Variants in DENND5B observed in about 807,000 individuals in gnomAD.
DENND5B encodes the protein DENN domain-containing protein 5B.
Under a neutral mutation model 140.6 loss-of-function variants are expected in DENND5B, and 34 were observed. The ratio of observed to expected loss-of-function variants is 0.24; its 90% confidence interval spans 0.18 to 0.32. The LOEUF is 0.32. DENND5B is among the 10% of genes least tolerant of loss of function. The pLI is 1.00. For synonymous variants in DENND5B, 551 were observed against 562.1 expected, an observed-to-expected ratio of 0.98 and a Z score of 0.28; for missense variants, 1,142 against 1,560.2, an observed-to-expected ratio of 0.73 and a Z score of 4.52.
chr12:31,587,363 C>T (rs1467878574), intron 1 of DENND5B, among the ~76,000 whole-genome samples: 1 of 151,946 alleles, frequency 6.6e-6, no homozygotes, highest in Admixed American at 6.6e-5. Context: ...ATCTTGGAGT[C>T]ATCTTTGATC....
intron 1 of DENND5B, among the ~76,000 whole-genome samples, chr12:31,511,336 T>C (rs1411121997): frequency 6.6e-6 from 1 of 152,196 alleles, no homozygotes; most frequent in Non-Finnish European, 1.5e-5. Context: ...CTACAAAATC[T>C]ACAAATTAGA....
chr12:31,517,666 C>T (rs1947715715), intron 1 of DENND5B, among the ~76,000 whole-genome samples: 1 of 152,184 alleles, frequency 6.6e-6, no homozygotes. Context: ...ATTAAGTCTC[C>T]TCATTTCCCA....
chr12:31,495,389 C>CTTTTTTTTTTTTTT (rs149645342), intron 2 of DENND5B, among the ~76,000 whole-genome samples: 2 of 136,206 alleles, frequency 1.5e-5, no homozygotes, highest in African/African-American at 2.8e-5. Context: ...CTTTTTTTTT[C>CTTTTTTTTTTTTTT]TTTTTTTGAG....
intron 1 of DENND5B, among the ~76,000 whole-genome samples, chr12:31,529,491 C>T (rs1948206407): frequency 6.6e-6 from 1 of 152,050 alleles, no homozygotes; most frequent in Admixed American, 6.5e-5. Flanking sequence ...AAACATTCCA[C>T]AAAAGCATTC....
chr12:31,396,056 G>GTTTTTTTTTTTT (rs34089984), intron 17 of DENND5B, among the ~76,000 whole-genome samples: 1 of 112,262 alleles, frequency 8.9e-6, no homozygotes, highest in African/African-American at 3.5e-5. Flanking sequence ...GGCATTCCTT[G>GTTTTTTTTTTTT]TTTTTTTTTT....
chr12:31,554,424 A>G (rs1245293607), intron 1 of DENND5B, among the ~76,000 whole-genome samples: 2 of 152,174 alleles, frequency 1.3e-5, no homozygotes, highest in Non-Finnish European at 2.9e-5. Context: ...AATTTCTGCC[A>G]AGAGATCTGC....
chr12:31,458,747 A>G (rs1944888866), intron 4 of DENND5B, among the ~76,000 whole-genome samples: 1 of 152,234 alleles, frequency 6.6e-6, no homozygotes, highest in African/African-American at 2.4e-5. Flanking sequence ...ATGGGAAATA[A>G]GAACAAATAA....
Position 31,387,412 on chromosome 12 carries a change from T to C in DENND5B, c.*191A>G. 1.9e-6 allele frequency: 1 copy of C among 538,936 alleles called. No individual in the cohort carries two copies. The highest frequency in any genetic ancestry group is 3.2e-5 in the South Asian group (1 of 31,468). 33.4% of individuals were successfully genotyped at this position (538,936 alleles called of 1,614,324 possible). A position where few individuals can be genotyped will look rare whatever the true frequency, so the allele number is the denominator to read the frequency against. ...ACATCTAACACATGAAAATACTCTATTTTATACTAAATTCCAGGTTCAAAT... is the reference window on the plus strand; with the variant it reads ...ACATCTAACACATGAAAATACTCTACTTTATACTAAATTCCAGGTTCAAAT... On this transcript the variant is annotated 3_prime_UTR_variant, in exon 21 of 21. Transcript: ENST00000389082.
Position 31,575,610 on chromosome 12 carries a change from A to G in DENND5B, c.127+15096T>C, listed in dbSNP as rs545469303. On this transcript the variant is annotated intron_variant, in intron 1 of 20. Transcript: ENST00000389082. ...AGAAGGAAGAGGAAGAAAACTGAAC[A>G]GATACTGGAAATAAAAGGTACTAAA... Among the ~76,000 whole-genome samples the G allele has an allele frequency of 2.6e-5, 4 of 152,348 alleles. No homozygotes were observed. The East Asian group carries it at 7.7e-4, about 29-fold the overall frequency.
At chr12:31,527,137 G>A (rs1373416145) in intron 1 of DENND5B, among the ~76,000 whole-genome samples, 5 of 152,120 alleles carry the variant, frequency 3.3e-5, no homozygotes, top group Non-Finnish European at 5.9e-5. Flanking sequence ...AGCATTGAGG[G>A]ATCAGCACTG....
intron 3 of DENND5B, among the ~76,000 whole-genome samples, chr12:31,475,199 T>C (rs1945741495): frequency 6.6e-6 from 1 of 152,194 alleles, no homozygotes; most frequent in African/African-American, 2.4e-5. Context: ...TGCCTTTTTG[T>C]AGCACAATTC....
In DENND5B at chr12:31,590,942, C is replaced by A; in HGVS notation, c.-110G>T. ...TCTGTGCGCCCGCCCTAGGGCGACA[C>A]TGGCGCGCCCATGGCCGCGCAGCCG... On this transcript the variant is annotated 5_prime_UTR_variant, in exon 1 of 21. Transcript: ENST00000389082. 1.8e-6 allele frequency: 2 copies of A among 1,098,538 alleles called. No individual in the cohort carries two copies. The highest frequency in any genetic ancestry group is 2.2e-6 in the Non-Finnish European group (2 of 897,806). 68.0% of individuals were successfully genotyped at this position (1,098,538 alleles called of 1,614,324 possible).
intron 1 of DENND5B, among the ~76,000 whole-genome samples, chr12:31,546,403 T>C (rs1287856517): frequency 1.3e-5 from 2 of 151,968 alleles, no homozygotes; most frequent in African/African-American, 4.8e-5. Flanking sequence ...AGTTTTTATT[T>C]TGGCCAGGTG....
intron 10 of DENND5B, among the ~76,000 whole-genome samples, chr12:31,423,906 C>G (rs1006491413): frequency 6.6e-6 from 1 of 152,116 alleles, no homozygotes; most frequent in African/African-American, 2.4e-5. Context: ...AAGCAAAGGG[C>G]CAGCATGGCA....
intron 10 of DENND5B, among the ~76,000 whole-genome samples, 192 bp from the exon 11 acceptor site, chr12:31,423,867 T>C (rs1003037203): frequency 4.6e-5 from 7 of 152,182 alleles, no homozygotes; most frequent in Admixed American, 3.3e-4. Context: ...CTGACAAGAC[T>C]ACCAAGAGCC....
chr12:31,575,399 G>A (rs528664738), intron 1 of DENND5B, among the ~76,000 whole-genome samples: 5 of 152,158 alleles, frequency 3.3e-5, no homozygotes, highest in African/African-American at 9.7e-5. Flanking sequence ...AGGGAATTAC[G>A]TAAGAGTAGA....
intron 1 of DENND5B, among the ~76,000 whole-genome samples, chr12:31,546,037 G>C (rs1948847850): frequency 6.8e-6 from 1 of 147,154 alleles, no homozygotes; most frequent in African/African-American, 2.5e-5. Context: ...AGGAAATACA[G>C]TGAAATATTA....
intron 1 of DENND5B, among the ~76,000 whole-genome samples, chr12:31,551,198 C>T (rs1169587552): frequency 1.3e-5 from 2 of 152,084 alleles, no homozygotes; most frequent in Non-Finnish European, 2.9e-5. Flanking sequence ...GGTTTTAGGT[C>T]TAACATTTAA....
intron 4 of DENND5B, 128 bp from the exon 5 acceptor site, chr12:31,452,604 G>A (rs926967911): frequency 6.1e-6 from 6 of 984,730 alleles, no homozygotes; most frequent in East Asian, 2.7e-5. Context: ...CAAAAGGATC[G>A]CTTGAGCCCA....
Sources: allele counts gnomAD v4.1 joint callset (sites outside exome capture counted in the v4.1 genomes callset), GRCh38; gene constraint gnomAD v4.1.1; transcripts MANE v1.5; gene names NCBI Gene and HGNC (gene_info 2026-07-23, HGNC 2026-07-21).